Variants in PRKG1 observed in about 807,000 individuals in gnomAD.
The protein encoded by PRKG1 is cGMP-dependent protein kinase 1.
PRKG1 carries 35 observed loss-of-function variants against 88.1 expected under a neutral mutation model. That is an observed-to-expected ratio of 0.40 (90% CI 0.30 to 0.53). The LOEUF (loss-of-function observed/expected upper bound fraction) is 0.53, where lower values mean the gene tolerates loss of function less well. Ranked by LOEUF, PRKG1 falls within the 20% of genes least tolerant of loss-of-function variation. The pLI is 0.59. For missense variants in PRKG1, 540 were observed against 839.8 expected, an observed-to-expected ratio of 0.64 and a Z score of 4.41; for synonymous variants, 303 against 292.5, an observed-to-expected ratio of 1.04 and a Z score of -0.37.
At chr10:52,212,276 C>G (rs529331091) in intron 9 of PRKG1, among the ~76,000 whole-genome samples, 6 of 152,268 alleles carry the variant, frequency 3.9e-5, no homozygotes, top group Non-Finnish European at 7.3e-5. Context: ...AGTGATTGGC[C>G]TAAGCGCTCT....
At chr10:51,649,579 A>C (rs548940366) in intron 3 of PRKG1, among the ~76,000 whole-genome samples, 1 of 152,206 alleles carries the variant, frequency 6.6e-6, no homozygotes, top group South Asian at 2.1e-4. Context: ...ACCGATAGAG[A>C]GTCGTGACTG....
At chr10:51,481,258 G>C (rs12770247) in intron 3 of PRKG1, among the ~76,000 whole-genome samples, 77,252 of 142,954 alleles carry the variant, frequency 0.54, 21,555 homozygotes, top group East Asian at 0.9. Flanking sequence ...GTCTCTTTCT[G>C]TCTTTCTTTC....
At chr10:51,578,980 G>GTTTTTTTTTT (rs752412264) in intron 3 of PRKG1, among the ~76,000 whole-genome samples, 11 of 77,828 alleles carry the variant, frequency 1.4e-4, no homozygotes, top group African/African-American at 4.2e-4. Flanking sequence ...AGTTCTGTTG[G>GTTTTTTTTTT]TTTTTTTTTT....
intron 1 of PRKG1, among the ~76,000 whole-genome samples, chr10:51,116,909 G>A (rs936813292): frequency 1.3e-5 from 2 of 152,164 alleles, no homozygotes; most frequent in Admixed American, 1.3e-4. Flanking sequence ...GTGGGAGCCT[G>A]GAGAATCAGA....
chr10:51,093,358 T>A (rs192769487), intron 1 of PRKG1, among the ~76,000 whole-genome samples: 71 of 152,234 alleles, frequency 4.7e-4, no homozygotes, highest in Non-Finnish European at 6.0e-4. Flanking sequence ...AGACTGTACA[T>A]AAACACTATT....
intron 3 of PRKG1, among the ~76,000 whole-genome samples, chr10:51,739,412 C>T (rs1330715285): frequency 6.6e-6 from 1 of 152,156 alleles, no homozygotes; most frequent in East Asian, 1.9e-4. Flanking sequence ...CACTATCTAA[C>T]TTTGCCTTGT....
chr10:52,289,024 C>T lies in PRKG1; in HGVS notation c.1895+31C>T, dbSNP rs186221275. On this transcript the variant is annotated intron_variant, in intron 16 of 17. Transcript: ENST00000373980. ...TGTTCTTTCTGCAGAGTTCTGAACA[C>T]GTGACATCATTTCCCCAGGGTGTTG... The T allele has an allele frequency of 2.6e-4, 399 of 1,564,568 alleles. No homozygotes were observed. In the African/African-American group the frequency reaches 4.3e-3, roughly 17 times the overall value.
At chr10:51,971,958 C>A (rs377522569) in intron 5 of PRKG1, among the ~76,000 whole-genome samples, 1 of 152,238 alleles carries the variant, frequency 6.6e-6, no homozygotes, top group South Asian at 2.1e-4. Flanking sequence ...TACCATTTTG[C>A]CAATTTGCTG....
intron 1 of PRKG1, among the ~76,000 whole-genome samples, chr10:51,001,887 C>T (rs1025495222): frequency 6.6e-6 from 1 of 152,202 alleles, no homozygotes; most frequent in South Asian, 2.1e-4. Flanking sequence ...AATATATTGT[C>T]AAATATATAA....
At chr10:51,617,548 A>G (rs1200309561) in intron 3 of PRKG1, among the ~76,000 whole-genome samples, 2 of 152,154 alleles carry the variant, frequency 1.3e-5, no homozygotes, top group Admixed American at 6.5e-5. Flanking sequence ...TACCTTTTCT[A>G]TGTTTGAATA....
At chr10:52,274,289 C>G in intron 12 of PRKG1, among the ~76,000 whole-genome samples, 1 of 147,904 alleles carries the variant, frequency 6.8e-6, no homozygotes, top group Non-Finnish European at 1.5e-5. Flanking sequence ...GACTCTTCCC[C>G]CCAAATCCCC....
At chr10:51,780,450 A>G (rs1256199985) in intron 3 of PRKG1, among the ~76,000 whole-genome samples, 1 of 152,176 alleles carries the variant, frequency 6.6e-6, no homozygotes, top group Admixed American at 6.6e-5. Context: ...GTATTTTATC[A>G]AAAAGACTTA....
At chr10:51,135,978 GA>G (rs1416479863) in intron 1 of PRKG1, among the ~76,000 whole-genome samples, 11 of 131,408 alleles carry the variant, frequency 8.4e-5, no homozygotes, top group Non-Finnish European at 1.8e-4. Context: ...GGGAAGGGGG[GA>G]GGGGGGAGGG....
chr10:51,314,946 A>G (rs1192425021), intron 2 of PRKG1, among the ~76,000 whole-genome samples: 1 of 152,156 alleles, frequency 6.6e-6, no homozygotes. Context: ...TACTCATGCC[A>G]TTTTTCCAAA....
intron 1 of PRKG1, among the ~76,000 whole-genome samples, chr10:51,139,754 A>G (rs964124013): frequency 1.6e-4 from 24 of 152,128 alleles, no homozygotes; most frequent in Admixed American, 3.3e-4. Flanking sequence ...GTTTTACTTG[A>G]AAATAGTGCA....
chr10:52,118,092 A>G (rs1269615906), intron 7 of PRKG1, among the ~76,000 whole-genome samples: 1 of 152,114 alleles, frequency 6.6e-6, no homozygotes, highest in Non-Finnish European at 1.5e-5. Flanking sequence ...AAATTACAAG[A>G]AAATACTTAA....
chr10:51,688,840 C>G (rs1841062075), intron 3 of PRKG1, among the ~76,000 whole-genome samples: 1 of 152,162 alleles, frequency 6.6e-6, no homozygotes, highest in Non-Finnish European at 1.5e-5. Flanking sequence ...GGTTTACCAT[C>G]TGATATGGTT....
chr10:51,746,196 T>C (rs1014250793), intron 3 of PRKG1, among the ~76,000 whole-genome samples: 1 of 152,056 alleles, frequency 6.6e-6, no homozygotes, highest in African/African-American at 2.4e-5. Context: ...ACTATTTAGA[T>C]TAATACACAC....
chr10:51,193,692 C>T (rs1455353975), intron 2 of PRKG1, among the ~76,000 whole-genome samples: 5 of 152,062 alleles, frequency 3.3e-5, no homozygotes, highest in African/African-American at 7.2e-5. Flanking sequence ...ACTATTGATT[C>T]TTATCCCTGG....
Sources: gnomAD v4.1 joint callset for allele counts (sites outside exome capture counted in the v4.1 genomes callset) on GRCh38, gnomAD v4.1.1 for gene constraint, MANE v1.5 for transcripts, NCBI Gene and HGNC (gene_info 2026-07-23, HGNC 2026-07-21) for gene names.